The following UGT2A1 variants were observed in gnomAD, a reference collection of about 807,000 sequenced individuals.
The protein encoded by UGT2A1 is UDP glucuronosyltransferase family 2 member A1 complex locus, also known as UDP-glucuronosyltransferase 2A1.
UGT2A1 carries 61 observed loss-of-function variants against 45.4 expected under a neutral mutation model. That is an observed-to-expected ratio of 1.34 (90% CI 1.09 to 1.66). The LOEUF is 1.66. Ranked by LOEUF, UGT2A1 falls within the 40% of genes most tolerant of loss-of-function variation. The probability of loss-of-function intolerance (pLI) is 0.00; values close to 1 mark genes in which losing one functional copy is unlikely to be tolerated. For synonymous variants in UGT2A1, 229 were observed against 196.2 expected, an observed-to-expected ratio of 1.17 and a Z score of -1.40; for missense variants, 649 against 574.3, an observed-to-expected ratio of 1.13 and a Z score of -1.33.
intron 3 of UGT2A1, among the ~76,000 whole-genome samples, chr4:69,618,757 C>T (rs1720561757): frequency 6.6e-6 from 1 of 151,888 alleles, no homozygotes. Flanking sequence ...CTTAAGTATA[C>T]TCCAATACCT....
At chr4:69,635,400 C>T (rs956908823) in intron 3 of UGT2A1, among the ~76,000 whole-genome samples, 9 of 152,172 alleles carry the variant, frequency 5.9e-5, no homozygotes, top group Non-Finnish European at 1.0e-4. Flanking sequence ...TTCCAGTGGC[C>T]TTACCTGTCT....
intron 2 of UGT2A1, chr4:69,639,532 T>C (rs1173225741): frequency 3.1e-6 from 5 of 1,613,280 alleles, no homozygotes; most frequent in Admixed American, 3.3e-5. Flanking sequence ...CTACCATCTG[T>C]AGGCCAAATT....
chr4:69,620,719 T>G (rs1289791977), intron 3 of UGT2A1, among the ~76,000 whole-genome samples: 1 of 148,500 alleles, frequency 6.7e-6, no homozygotes, highest in Non-Finnish European at 1.5e-5. Flanking sequence ...GATGGAGTCA[T>G]CACACAATCC....
chr4:69,595,945 T>C (rs1168589480), intron 4 of UGT2A1, among the ~76,000 whole-genome samples: 2 of 152,122 alleles, frequency 1.3e-5, no homozygotes, highest in Non-Finnish European at 2.9e-5. Flanking sequence ...AAGTAGTCAG[T>C]GGAGAACAAA....
chr4:69,646,817 T>C (rs750724102), intron 2 of UGT2A1, 113 bp downstream of exon 2: 18 of 704,552 alleles, frequency 2.6e-5, no homozygotes, highest in Admixed American at 3.2e-5. Flanking sequence ...TAGTAATATA[T>C]AGTACATCAA....
chr4:69,639,163 G>C (rs1241484490), intron 2 of UGT2A1: 16 of 1,613,418 alleles, frequency 9.9e-6, no homozygotes, highest in Admixed American at 3.3e-5. Context: ...ATTGTTACTG[G>C]GTCTGCTACC....
chr4:69,605,529 T>C (rs1054225724), intron 3 of UGT2A1, among the ~76,000 whole-genome samples: 1 of 134,706 alleles, frequency 7.4e-6, no homozygotes, highest in Non-Finnish European at 1.6e-5. Context: ...AGCAAGAGCA[T>C]AACACATTCA....
chr4:69,618,205 G>GTA (rs1553905687), intron 3 of UGT2A1, among the ~76,000 whole-genome samples: 5 of 87,982 alleles, frequency 5.7e-5, no homozygotes, highest in South Asian at 4.6e-4. Flanking sequence ...GTGTGTGTGT[G>GTA]TGTGTGTGTG....
At chr4:69,641,312 A>G (rs935095868) in intron 2 of UGT2A1, among the ~76,000 whole-genome samples, 2 of 151,964 alleles carry the variant, frequency 1.3e-5, no homozygotes, top group Non-Finnish European at 2.9e-5. Flanking sequence ...CCTTAAAACA[A>G]CATTTTGTTT....
chr4:69,642,839 A>G (rs1231198836), intron 2 of UGT2A1, among the ~76,000 whole-genome samples: 1 of 151,574 alleles, frequency 6.6e-6, no homozygotes, highest in African/African-American at 2.4e-5. Flanking sequence ...CAGTGGTTAA[A>G]GGGTAAAGTG....
chr4:69,608,340 T>C (rs1257715723), intron 3 of UGT2A1, among the ~76,000 whole-genome samples: 1 of 146,730 alleles, frequency 6.8e-6, no homozygotes, highest in Non-Finnish European at 1.5e-5. Context: ...AAACACTGCA[T>C]GTTCTCACTC....
rs559300042 is a variant in UGT2A1 at position 69,623,785 on chromosome 4, AG to A, written c.847+11905del. 2.1e-3 allele frequency among the ~76,000 whole-genome samples: 326 copies of A among 151,682 alleles called. 2 individuals are homozygous for A. Among genetic ancestry groups the A allele is most frequent in the Middle Eastern group, 6.8e-3 (2 of 292 alleles). ...AATTTAAATAAAACCTTTGAGATAA[AG>A]GTAGAAAATTGAGCTTAATGCTTTT... On this transcript the variant is annotated intron_variant, in intron 3 of 6. Coordinates refer to ENST00000286604, the MANE Select transcript of UGT2A1 (RefSeq NM_001252275.3).
chr4:69,634,070 C>T (rs1721535494), intron 3 of UGT2A1, among the ~76,000 whole-genome samples: 1 of 151,940 alleles, frequency 6.6e-6, no homozygotes, highest in Non-Finnish European at 1.5e-5. Context: ...ATGGTGAAAC[C>T]CCGTCTCTAC....
chr4:69,597,211 T>A (rs1039897118), intron 4 of UGT2A1, among the ~76,000 whole-genome samples: 5 of 152,200 alleles, frequency 3.3e-5, no homozygotes, highest in African/African-American at 7.2e-5. Flanking sequence ...AAATGGCATC[T>A]AATTGTAACA....
In UGT2A1 at chr4:69,589,590, C is replaced by G. The variant is rs149562826; in HGVS notation, c.1366G>C (p.Asp456His). 7 of 1,613,854 alleles carry G rather than the reference C, an allele frequency of 4.3e-6. No individual in the cohort carries two copies. In the African/African-American group the frequency reaches 9.3e-5, roughly 22 times the overall value. ...IHHDQPVKPLDRAVFWIEFVM... is the reference protein window; with the variant it reads ...IHHDQPVKPLHRAVFWIEFVM... ...AACTCGATCCAGAAGACTGCTCGAT[C>G]CAGGGGCTTTACAGGTTGATCATGG... The change falls in exon 7 of 7, where the codon GAT (aspartate) becomes CAT (histidine). Residue 456 changes from aspartate to histidine, a missense_variant. Coordinates refer to ENST00000286604, the MANE Select transcript of UGT2A1 (RefSeq NM_001252275.3).
At chr4:69,608,050 T>C (rs933119527) in intron 3 of UGT2A1, among the ~76,000 whole-genome samples, 2 of 152,092 alleles carry the variant, frequency 1.3e-5, no homozygotes, top group African/African-American at 4.8e-5. Context: ...TACCATTTGA[T>C]CCAGCCATCC....
At chr4:69,618,221 T>TTTG (rs1720530906) in intron 3 of UGT2A1, among the ~76,000 whole-genome samples, 2 of 144,640 alleles carry the variant, frequency 1.4e-5, no homozygotes, top group Admixed American at 6.9e-5. Flanking sequence ...GTGTGTATGT[T>TTTG]TGTGTGTGTG....
At chr4:69,647,760 C>T (rs1333486770) in intron 1 of UGT2A1, 62 bp from the exon 2 acceptor site, 3 of 681,574 alleles carry the variant, frequency 4.4e-6, no homozygotes, top group Non-Finnish European at 7.0e-6. Context: ...CCATTAATAT[C>T]CTTAAAAGCC....
intron 4 of UGT2A1, chr4:69,596,361 C>A (rs750566755): frequency 6.2e-7 from 1 of 1,600,336 alleles, no homozygotes; most frequent in Non-Finnish European, 8.5e-7. Context: ...TACCTGAGCT[C>A]TGGATAAATT....
Sources: gnomAD v4.1 joint callset for allele counts (sites outside exome capture counted in the v4.1 genomes callset) on GRCh38, gnomAD v4.1.1 for gene constraint, MANE v1.5 for transcripts, NCBI Gene and HGNC (gene_info 2026-07-23, HGNC 2026-07-21) for gene names.